MACROD2: variants seen among roughly 807,000 people sequenced by gnomAD.
The protein encoded by MACROD2 is ADP-ribose glycohydrolase MACROD2.
A neutral mutation model predicts 70.4 loss-of-function variants in MACROD2; 36 were observed. That is an observed-to-expected ratio of 0.51 (90% CI 0.39 to 0.68). MACROD2 has a LOEUF of 0.68. Among genes scored for constraint, MACROD2 ranks in the 30% least tolerant of loss-of-function variants. MACROD2 has a pLI of 0.00. For synonymous variants in MACROD2, 172 were observed against 178.8 expected (o/e 0.96, Z 0.30); for missense variants, 496 against 538.4 (o/e 0.92, Z 0.78).
At chr20:15,130,264 C>G (rs2076095720) in intron 5 of MACROD2, among the ~76,000 whole-genome samples, 1 of 151,918 alleles carries the variant, frequency 6.6e-6, no homozygotes, top group Admixed American at 6.6e-5. Flanking sequence ...ATCCATCCAC[C>G]CATCCATCCA....
At chr20:15,166,909 TATTTA>T (rs1011847801) in intron 5 of MACROD2, among the ~76,000 whole-genome samples, 20 of 150,196 alleles carry the variant, frequency 1.3e-4, no homozygotes, top group East Asian at 3.9e-4. Context: ...TTAATTTAAG[TATTTA>T]ATTTAAGTAT....
chr20:14,419,630 A>G (rs577567104), intron 3 of MACROD2, among the ~76,000 whole-genome samples: 1 of 152,266 alleles, frequency 6.6e-6, no homozygotes, highest in East Asian at 1.9e-4. Flanking sequence ...ATGTACTTCT[A>G]TTTTTAAATT....
At chr20:15,649,844 C>T (rs1210580946) in intron 8 of MACROD2, among the ~76,000 whole-genome samples, 6 of 152,080 alleles carry the variant, frequency 3.9e-5, no homozygotes. Context: ...GAATGCTTTC[C>T]ATAACCCAAA....
intron 5 of MACROD2, among the ~76,000 whole-genome samples, chr20:14,992,963 C>G (rs910035674): frequency 2.0e-5 from 3 of 152,148 alleles, no homozygotes; most frequent in Non-Finnish European, 4.4e-5. Flanking sequence ...CATTAACCAT[C>G]CTGTCTTACA....
chr20:14,327,613 A>T (rs886077418), intron 3 of MACROD2: 1 of 1,250,790 alleles, frequency 8.0e-7, no homozygotes, highest in Non-Finnish European at 1.1e-6. Context: ...CATACTGAAT[A>T]TAATGTTTAA....
At chr20:15,083,565 A>G (rs1388637237) in intron 5 of MACROD2, among the ~76,000 whole-genome samples, 3 of 151,836 alleles carry the variant, frequency 2.0e-5, no homozygotes, top group African/African-American at 7.3e-5. Context: ...AGGAACTATA[A>G]TCAGTTTATT....
At chr20:14,448,218 A>G (rs1034968520) in intron 3 of MACROD2, among the ~76,000 whole-genome samples, 1 of 152,072 alleles carries the variant, frequency 6.6e-6, no homozygotes, top group Non-Finnish European at 1.5e-5. Flanking sequence ...TTGAATAAAG[A>G]TTCAATTGCT....
intron 8 of MACROD2, among the ~76,000 whole-genome samples, chr20:15,737,410 A>G (rs1404190934): frequency 6.6e-6 from 1 of 152,200 alleles, no homozygotes; most frequent in Non-Finnish European, 1.5e-5. Flanking sequence ...AAACACCCTT[A>G]TTCAACAATA....
Position 15,750,959 on chromosome 20 carries a change from A to G in MACROD2, c.646-111786A>G, listed in dbSNP as rs139445457. 1.6e-3 allele frequency among the ~76,000 whole-genome samples: 249 copies of G among 152,122 alleles called. 1 individual carries two copies. Among genetic ancestry groups the G allele is most frequent in the African/African-American group, 5.8e-3 (240 of 41,552 alleles). On this transcript the variant is annotated intron_variant, in intron 8 of 17. Coordinates refer to ENST00000684519, the MANE Select transcript of MACROD2 (RefSeq NM_001351661.2). The stretch of plus-strand genomic sequence containing the variant: ...TTTTGTTTGTTTGTTTTATCACAGA[A>G]GCAGAGAGTAGAACAGTGGTTACCA...
chr20:15,504,271 A>G (rs927395459), intron 8 of MACROD2, among the ~76,000 whole-genome samples: 23 of 152,286 alleles, frequency 1.5e-4, no homozygotes, highest in African/African-American at 5.3e-4. Context: ...TATATTTAAG[A>G]GGACTCAGAA....
intron 5 of MACROD2, among the ~76,000 whole-genome samples, chr20:15,228,288 G>A (rs765497288): frequency 1.1e-4 from 17 of 152,058 alleles, no homozygotes; most frequent in South Asian, 2.1e-4. Flanking sequence ...CAATATCTGC[G>A]TGAACTTATT....
At chr20:14,357,158 G>A (rs921610382) in intron 3 of MACROD2, among the ~76,000 whole-genome samples, 44 of 152,278 alleles carry the variant, frequency 2.9e-4, no homozygotes, top group African/African-American at 8.4e-4. Flanking sequence ...TGTAAGAAGA[G>A]TATGAGTGGT....
rs887629807 is a variant in MACROD2, at chr20:14,354,727, A to G, written c.272-138752A>G. On this transcript the variant is annotated intron_variant, in intron 3 of 17. Transcript: ENST00000684519. The stretch of plus-strand genomic sequence containing the variant: ...ACATAGGCCCTGAGCACGGTACCCA[A>G]CAGTTAGTTTTTCAACCCTTGTTCC... 2.6e-5 allele frequency among the ~76,000 whole-genome samples: 4 copies of G among 152,166 alleles called. No individual in the cohort carries two copies. The South Asian group carries it at 6.2e-4, about 24-fold the overall frequency.
At chr20:15,677,686 ACCAACCAACCAACCAACC>A (rs1447526410) in intron 8 of MACROD2, among the ~76,000 whole-genome samples, 20 of 17,054 alleles carry the variant, frequency 1.2e-3, no homozygotes, top group Non-Finnish European at 2.1e-3. Flanking sequence ...CAACCAACCA[ACCAACCAACCAACCAACC>A]AAATACATCC....
intron 5 of MACROD2, among the ~76,000 whole-genome samples, chr20:14,927,572 C>T (rs913578507): frequency 3.9e-5 from 6 of 152,206 alleles, no homozygotes; most frequent in Non-Finnish European, 7.3e-5. Context: ...CTTCAACATT[C>T]ACACATTTGG....
At chr20:14,573,100 T>C (rs552854509) in intron 4 of MACROD2, among the ~76,000 whole-genome samples, 1 of 151,860 alleles carries the variant, frequency 6.6e-6, no homozygotes, top group South Asian at 2.1e-4. Context: ...GATATGAAGG[T>C]GTTGTAGCCA....
At chr20:15,456,232 A>G (rs1305985562) in intron 7 of MACROD2, among the ~76,000 whole-genome samples, 1 of 152,194 alleles carries the variant, frequency 6.6e-6, no homozygotes, top group Non-Finnish European at 1.5e-5. Context: ...CCCAGCCTCT[A>G]GAATGACTGA....
intron 3 of MACROD2, among the ~76,000 whole-genome samples, chr20:14,382,874 T>A (rs868377746): frequency 9.9e-5 from 15 of 152,124 alleles, no homozygotes; most frequent in African/African-American, 3.4e-4. Flanking sequence ...CTATATTTGT[T>A]ATCTTGCTTA....
chr20:15,275,057 G>C (rs1031489130), intron 6 of MACROD2, among the ~76,000 whole-genome samples: 1 of 152,234 alleles, frequency 6.6e-6, no homozygotes, highest in South Asian at 2.1e-4. Context: ...GACTGGGGGT[G>C]GGGGAGGTGC....
Sources: gnomAD v4.1 joint callset for allele counts (sites outside exome capture counted in the v4.1 genomes callset) on GRCh38, gnomAD v4.1.1 for gene constraint, MANE v1.5 for transcripts, NCBI Gene and HGNC (gene_info 2026-07-23, HGNC 2026-07-21) for gene names.